L3MBTL4: variants seen among roughly 807,000 people sequenced by gnomAD.
L3MBTL4 encodes the protein L3MBTL histone methyl-lysine binding protein 4, also known as lethal(3)malignant brain tumor-like protein 4.
L3MBTL4 carries 70 observed loss-of-function variants against 84.5 expected under a neutral mutation model. That is an observed-to-expected ratio of 0.83 (90% confidence interval 0.68 to 1.01). The LOEUF is 1.01. Among genes scored for constraint, L3MBTL4 ranks in the 50% least tolerant of loss-of-function variants. The probability of loss-of-function intolerance (pLI) is 0.00; values close to 1 mark genes in which losing one functional copy is unlikely to be tolerated. For synonymous variants in L3MBTL4, 274 were observed against 259.8 expected, an observed-to-expected ratio of 1.05 and a Z score of -0.52; for missense variants, 715 against 754.8, an observed-to-expected ratio of 0.95 and a Z score of 0.62.
intron 15 of L3MBTL4, among the ~76,000 whole-genome samples, chr18:6,089,245 T>C (rs2058359306): frequency 6.6e-6 from 1 of 152,164 alleles, no homozygotes. Flanking sequence ...TTATATTCTC[T>C]TGTTGCAGGT....
intron 4 of L3MBTL4, among the ~76,000 whole-genome samples, chr18:6,295,332 CTCTCTCTCTCTCTCTATA>C (rs2050051335): frequency 7.7e-6 from 1 of 129,318 alleles, no homozygotes; most frequent in African/African-American, 3.4e-5. Context: ...CTCTCTCTCT[CTCTCTCTCTCTCTCTATA>C]TATATATATA....
intron 1 of L3MBTL4, among the ~76,000 whole-genome samples, chr18:6,343,602 C>CAGCG (rs2052719865): frequency 6.8e-6 from 1 of 147,116 alleles, no homozygotes; most frequent in African/African-American, 2.6e-5. Context: ...GCAGAGCTTG[C>CAGCG]AGCGAGTCAA....
intron 10 of L3MBTL4, among the ~76,000 whole-genome samples, chr18:6,230,629 C>A (rs1048708829): frequency 6.6e-6 from 1 of 152,024 alleles, no homozygotes; most frequent in African/African-American, 2.4e-5. Context: ...AATGGTAATA[C>A]TACTAACACT....
At chr18:6,185,980 T>G in intron 12 of L3MBTL4, among the ~76,000 whole-genome samples, 2 of 147,474 alleles carry the variant, frequency 1.4e-5, no homozygotes, top group African/African-American at 5.3e-5. Flanking sequence ...TTTTATTTTA[T>G]TTTATTTTAT....
chr18:6,108,650 C>A (rs1465167076), intron 14 of L3MBTL4, among the ~76,000 whole-genome samples: 1 of 152,072 alleles, frequency 6.6e-6, no homozygotes, highest in Non-Finnish European at 1.5e-5. Context: ...ATTTCTAGAG[C>A]TCAGAAGCAC....
intron 1 of L3MBTL4, chr18:6,397,651 C>T (rs890418907): frequency 5.3e-5 from 8 of 151,898 alleles, no homozygotes; most frequent in Non-Finnish European, 1.0e-4. Flanking sequence ...GAGTTTGAGA[C>T]CATCCTGAGC....
intron 1 of L3MBTL4, among the ~76,000 whole-genome samples, chr18:6,340,898 G>C (rs1318925862): frequency 6.6e-6 from 1 of 152,150 alleles, no homozygotes; most frequent in Non-Finnish European, 1.5e-5. Flanking sequence ...GGGATAATGT[G>C]TGCAATCTGA....
At chr18:6,345,188 T>C (rs1271904268) in intron 1 of L3MBTL4, among the ~76,000 whole-genome samples, 10 of 121,256 alleles carry the variant, frequency 8.2e-5, no homozygotes, top group Non-Finnish European at 1.4e-4. Context: ...TGGGCACCGA[T>C]GGTGAAACCC....
intron 1 of L3MBTL4, among the ~76,000 whole-genome samples, chr18:6,368,551 T>C (rs894110781): frequency 6.6e-6 from 1 of 152,088 alleles, no homozygotes; most frequent in African/African-American, 2.4e-5. Flanking sequence ...CCCTGAGGTA[T>C]AGGTATTATT....
chr18:6,128,585 A>G (rs1195612517), intron 14 of L3MBTL4, among the ~76,000 whole-genome samples: 1 of 152,168 alleles, frequency 6.6e-6, no homozygotes, highest in Non-Finnish European at 1.5e-5. Context: ...GGTAAACATA[A>G]CATGGAATGA....
At chr18:6,037,726 A>G (rs558290292) in intron 16 of L3MBTL4, among the ~76,000 whole-genome samples, 15 of 152,370 alleles carry the variant, frequency 9.8e-5, no homozygotes, top group African/African-American at 3.6e-4. Context: ...AGCCAACATA[A>G]CTGCAACCAA....
chr18:6,258,257 C>G (rs1167629132), intron 5 of L3MBTL4, among the ~76,000 whole-genome samples: 3 of 152,136 alleles, frequency 2.0e-5, no homozygotes, highest in Admixed American at 1.3e-4. Flanking sequence ...CCCAGACTAA[C>G]AACACAGAAG....
At chr18:6,393,494 C>A (rs1412675316) in intron 1 of L3MBTL4, among the ~76,000 whole-genome samples, 1 of 152,196 alleles carries the variant, frequency 6.6e-6, no homozygotes, top group Non-Finnish European at 1.5e-5. Context: ...TGAGTACCAA[C>A]CGCATGCAGA....
At chr18:6,390,414 A>G (rs945069341) in intron 1 of L3MBTL4, among the ~76,000 whole-genome samples, 3 of 152,180 alleles carry the variant, frequency 2.0e-5, no homozygotes, top group Admixed American at 2.0e-4. Context: ...GTCACACTTC[A>G]GGGAACTAGA....
chr18:6,270,687 C>A (rs914373979), intron 4 of L3MBTL4, among the ~76,000 whole-genome samples: 2 of 152,202 alleles, frequency 1.3e-5, no homozygotes, highest in African/African-American at 4.8e-5. Context: ...GAAAGAGCTG[C>A]TTCTGCAAAT....
At chr18:6,262,045 A>G (rs1212944854) in intron 5 of L3MBTL4, among the ~76,000 whole-genome samples, 2 of 152,152 alleles carry the variant, frequency 1.3e-5, no homozygotes, top group Non-Finnish European at 2.9e-5. Flanking sequence ...GTGACTCCTA[A>G]GCCACAGCAG....
intron 9 of L3MBTL4, among the ~76,000 whole-genome samples, chr18:6,239,319 C>T (rs971621795): frequency 3.1e-5 from 4 of 127,162 alleles, no homozygotes; most frequent in African/African-American, 9.5e-5. Context: ...CCAGCCTGGG[C>T]GACAGAGCGA....
chr18:6,032,455 T>C (rs2055870384), intron 16 of L3MBTL4, among the ~76,000 whole-genome samples: 1 of 151,210 alleles, frequency 6.6e-6, no homozygotes, highest in South Asian at 2.1e-4. Context: ...GGGGCAGAAC[T>C]GACCACGGGT....
At chr18:6,011,027 A>G (rs2054711092) in intron 16 of L3MBTL4, among the ~76,000 whole-genome samples, 1 of 152,232 alleles carries the variant, frequency 6.6e-6, no homozygotes, top group Non-Finnish European at 1.5e-5. Flanking sequence ...AAAGTGGGGA[A>G]GTCAACCTGG....
Sources: gnomAD v4.1 joint callset for allele counts (sites outside exome capture counted in the v4.1 genomes callset) on GRCh38, gnomAD v4.1.1 for gene constraint, MANE v1.5 for transcripts, NCBI Gene and HGNC (gene_info 2026-07-23, HGNC 2026-07-21) for gene names.